Variants in PTPRC observed in about 807,000 individuals in gnomAD.
PTPRC encodes protein tyrosine phosphatase receptor type C.
A neutral mutation model predicts 155.9 loss-of-function variants in PTPRC; 44 were observed. The ratio of observed to expected loss-of-function variants is 0.28; its 90% confidence interval spans 0.22 to 0.36. The LOEUF (loss-of-function observed/expected upper bound fraction) is 0.36, where lower values mean the gene tolerates loss of function less well. Among genes scored for constraint, PTPRC ranks in the 10% least tolerant of loss-of-function variants. The pLI is 1.00. For missense variants in PTPRC, 1,401 were observed against 1,564.6 expected (o/e 0.90, Z 1.76); for synonymous variants, 525 against 533.1 (o/e 0.98, Z 0.21).
intron 2 of PTPRC, among the ~76,000 whole-genome samples, chr1:198,639,543 C>T (rs374062143): frequency 3.3e-5 from 5 of 151,908 alleles, no homozygotes; most frequent in Admixed American, 2.6e-4. Flanking sequence ...ATAAATGTTT[C>T]GGGACAAAAA....
At chr1:198,743,736 C>A (rs1309111557) in intron 25 of PTPRC, among the ~76,000 whole-genome samples, 1 of 151,540 alleles carries the variant, frequency 6.6e-6, no homozygotes, top group Non-Finnish European at 1.5e-5. Context: ...GCTTACTGAC[C>A]CAATAATCAC....
chr1:198,659,538 C>T (rs1326275), intron 2 of PTPRC, among the ~76,000 whole-genome samples: 58,918 of 149,908 alleles, frequency 0.39, 11,990 homozygotes, highest in East Asian at 0.68. Flanking sequence ...TTGAAGAATA[C>T]ATATATATTT....
intron 15 of PTPRC, among the ~76,000 whole-genome samples, chr1:198,725,470 G>C (rs1312424485): frequency 6.6e-6 from 1 of 152,118 alleles, no homozygotes; most frequent in African/African-American, 2.4e-5. Flanking sequence ...TTAATCTCCA[G>C]AATTACCCTA....
At chr1:198,662,891 G>A (rs145008992) in intron 2 of PTPRC, among the ~76,000 whole-genome samples, 7 of 152,188 alleles carry the variant, frequency 4.6e-5, no homozygotes, top group Non-Finnish European at 8.8e-5. Flanking sequence ...CTCATATCAC[G>A]CTTTCATTCT....
chr1:198,692,511 C>A, intron 3 of PTPRC, 138 bp downstream of exon 3: 1 of 1,108,872 alleles, frequency 9.0e-7, no homozygotes, highest in South Asian at 3.4e-5. Context: ...TCTTGACATT[C>A]ACTTGTTCTT....
intron 2 of PTPRC, among the ~76,000 whole-genome samples, chr1:198,642,287 A>T (rs1358983193): frequency 6.6e-6 from 1 of 152,040 alleles, no homozygotes; most frequent in African/African-American, 2.4e-5. Context: ...CATATACTTG[A>T]ACATATATTT....
chr1:198,706,353 C>T (rs1166159946), intron 8 of PTPRC, among the ~76,000 whole-genome samples: 2 of 152,136 alleles, frequency 1.3e-5, no homozygotes, highest in Non-Finnish European at 2.9e-5. Flanking sequence ...GAATAAATTT[C>T]TCAAATGCAT....
In PTPRC at chr1:198,756,455, G is replaced by A; in HGVS notation, c.*274G>A. 1 of 335,766 alleles carries A rather than the reference G, an allele frequency of 3.0e-6. No homozygotes were observed. The highest frequency in any genetic ancestry group is 5.5e-6 in the Non-Finnish European group (1 of 182,014). 20.8% of individuals were successfully genotyped at this position (335,766 alleles called of 1,614,324 possible). On this transcript the variant is annotated 3_prime_UTR_variant, in exon 33 of 33. Coordinates refer to ENST00000442510, the MANE Select transcript of PTPRC (RefSeq NM_002838.5). ...ATGTGTGTATATGTATGTGTGTATG[G>A]GTGTGTGTTTGTGTGAGAGACAGAG...
intron 11 of PTPRC, among the ~76,000 whole-genome samples, chr1:198,712,019 G>A (rs1254700268): frequency 6.6e-6 from 1 of 152,150 alleles, no homozygotes; most frequent in African/African-American, 2.4e-5. Context: ...TTCACTCCAG[G>A]TATTTACCAA....
At position 198,709,755 on chromosome 1, in the gene PTPRC, G is replaced by T; in HGVS notation, c.1102G>T (p.Asp368Tyr). 6.2e-7 allele frequency: 1 copy of T among 1,611,662 alleles called. No individual in the cohort carries two copies. Among genetic ancestry groups the T allele is most frequent in the South Asian group, 1.1e-5 (1 of 90,408 alleles). ...TGAACCCGAACATGAGTATAAGTGT[G>T]ACTCAGAAATACTCTATAATAACCA... ...NLEPEHEYKCDSEILYNNHKF... is the reference protein window; with the variant it reads ...NLEPEHEYKCYSEILYNNHKF... The change falls in exon 11 of 33, where the codon GAC (aspartate) becomes TAC (tyrosine). Residue 368 changes from aspartate (D) to tyrosine (Y), a missense_variant. Around this residue, in one of 3 missense-constraint regions of PTPRC, gnomAD observed 867 missense variants for 970.4 expected, o/e 0.89. Coordinates refer to ENST00000442510, the MANE Select transcript of PTPRC (RefSeq NM_002838.5).
chr1:198,678,056 TC>T (rs759094357), intron 2 of PTPRC, among the ~76,000 whole-genome samples: 37 of 152,190 alleles, frequency 2.4e-4, no homozygotes, highest in Non-Finnish European at 4.3e-4. Context: ...TGCAATACCA[TC>T]TTATGAAATG....
At chr1:198,693,679 C>T (rs550807689) in intron 3 of PTPRC, among the ~76,000 whole-genome samples, 15 of 152,250 alleles carry the variant, frequency 9.9e-5, no homozygotes, top group African/African-American at 3.4e-4. Context: ...CAATGGAAAC[C>T]AGGAGAATTT....
chr1:198,724,098 C>G (rs764808580), intron 15 of PTPRC, among the ~76,000 whole-genome samples: 6 of 152,170 alleles, frequency 3.9e-5, no homozygotes, highest in Non-Finnish European at 8.8e-5. Context: ...TAATATTCCA[C>G]TTTTATCAGG....
intron 3 of PTPRC, among the ~76,000 whole-genome samples, chr1:198,696,115 G>A (rs1010467738): frequency 6.6e-6 from 1 of 151,610 alleles, no homozygotes; most frequent in Non-Finnish European, 1.5e-5. Flanking sequence ...AGCCAAGATC[G>A]TGCCACTGCA....
chr1:198,742,455 T>C (rs746914707), intron 25 of PTPRC, 88 bp downstream of exon 25: 43 of 1,507,546 alleles, frequency 2.9e-5, no homozygotes, highest in South Asian at 1.3e-4. Flanking sequence ...TTTTTAAAAA[T>C]CCAAATTCTT....
chr1:198,710,696 C>T (rs1653253089), intron 11 of PTPRC, among the ~76,000 whole-genome samples: 1 of 152,070 alleles, frequency 6.6e-6, no homozygotes, highest in South Asian at 2.1e-4. Flanking sequence ...GGTTATAATG[C>T]TGTTGTTTTC....
chr1:198,697,529 AT>A (rs992817288), intron 4 of PTPRC, among the ~76,000 whole-genome samples: 1 of 152,150 alleles, frequency 6.6e-6, no homozygotes, highest in Non-Finnish European at 1.5e-5. Flanking sequence ...TGCAAGAGAT[AT>A]TTTTGCCAAG....
At chr1:198,655,175 T>G (rs986894570) in intron 2 of PTPRC, among the ~76,000 whole-genome samples, 3 of 152,064 alleles carry the variant, frequency 2.0e-5, no homozygotes, top group Non-Finnish European at 4.4e-5. Flanking sequence ...TGCCGGTTTT[T>G]TTTAATTAGC....
In PTPRC at chr1:198,706,934, A is replaced by G. The variant is rs2230606; in HGVS notation, c.886A>G (p.Ile296Val). ...NSCTAPDKTL[I>V]LDVPPGVEKF... The stretch of plus-strand genomic sequence containing the variant: ...ATGTACTGCTCCTGATAAGACATTA[A>G]TATTAGATGTGCCACCAGGTAAATA... Residue 296 changes from isoleucine (I) to valine (V), a missense_variant, in exon 9 of 33, where the codon ATA (isoleucine) becomes GTA (valine). Ile to Val is a conservative substitution (Grantham distance 29). Transcript: ENST00000442510. The G allele has an allele frequency of 6.2e-7, 1 of 1,603,524 alleles. No individual in the cohort carries two copies. Among genetic ancestry groups the G allele is most frequent in the South Asian group, 1.1e-5 (1 of 90,748 alleles).
Sources: gnomAD v4.1 joint callset for allele counts (sites outside exome capture counted in the v4.1 genomes callset) on GRCh38, gnomAD v4.1.1 for gene constraint, gnomAD v4.1.1 regional missense constraint, MANE v1.5 for transcripts, NCBI Gene and HGNC (gene_info 2026-07-23, HGNC 2026-07-21) for gene names.